PCDHA12: variants seen among roughly 807,000 people sequenced by gnomAD.
PCDHA12 encodes protocadherin alpha-12.
In PCDHA12, 44 loss-of-function variants were observed where a neutral mutation model predicts 60.0. That is an observed-to-expected ratio of 0.73 (90% CI 0.58 to 0.94). The LOEUF is 0.94. Ranked by LOEUF, PCDHA12 falls within the 40% of genes least tolerant of loss-of-function variation. The pLI, the probability that PCDHA12 is intolerant of heterozygous loss-of-function variation, is 0.00. For synonymous variants in PCDHA12, 569 were observed against 553.0 expected (o/e 1.03, Z -0.40); for missense variants, 1,276 against 1,239.7 (o/e 1.03, Z -0.44).
intron 3 of PCDHA12, among the ~76,000 whole-genome samples, chr5:141,008,882 A>G (rs2098393885): frequency 6.6e-6 from 1 of 152,170 alleles, no homozygotes; most frequent in Non-Finnish European, 1.5e-5. Flanking sequence ...ACCACCCTTC[A>G]ATGTTATTAC....
At chr5:140,956,622 C>T (rs1438482570) in intron 1 of PCDHA12, among the ~76,000 whole-genome samples, 2 of 152,008 alleles carry the variant, frequency 1.3e-5, no homozygotes, top group African/African-American at 4.8e-5. Context: ...CTTTTTGTTG[C>T]ATCTCTGCCA....
At chr5:140,928,400 C>T (rs1441591334) in intron 1 of PCDHA12, 15 of 1,614,038 alleles carry the variant, frequency 9.3e-6, no homozygotes, top group Non-Finnish European at 1.3e-5. Context: ...GTGGAATCAT[C>T]CAGTGGGGCC....
chr5:140,883,453 C>A lies in PCDHA12; in HGVS notation c.2367+5614C>A, dbSNP rs138388360. The stretch of plus-strand genomic sequence containing the variant: ...GCACCTTGACGCCGCATGTCCCCTT[C>A]AAGCTGGTGTCCACCTACAAGAACT... On this transcript the variant is annotated intron_variant, in intron 1 of 3. Transcript: ENST00000398631. 3.2e-5 allele frequency: 51 copies of A among 1,614,168 alleles called. No individual in the cohort carries two copies. In the East Asian group the frequency reaches 1.1e-3, roughly 35 times the overall value.
intron 1 of PCDHA12, among the ~76,000 whole-genome samples, chr5:140,947,805 G>T (rs1474604810): frequency 6.6e-6 from 1 of 151,504 alleles, no homozygotes; most frequent in Non-Finnish European, 1.5e-5. Flanking sequence ...TTAATTTGCA[G>T]AGACTATTTC....
chr5:140,942,608 T>G (rs1221656316), intron 1 of PCDHA12, among the ~76,000 whole-genome samples: 3 of 114,466 alleles, frequency 2.6e-5, no homozygotes, highest in Non-Finnish European at 5.4e-5. Context: ...AGTGTTTATA[T>G]TTGCCAATTG....
intron 1 of PCDHA12, among the ~76,000 whole-genome samples, chr5:140,888,562 G>T (rs781854673): frequency 6.6e-6 from 1 of 152,112 alleles, no homozygotes; most frequent in East Asian, 1.9e-4. Flanking sequence ...TCCTTTCAAG[G>T]CTTCATTTTA....
chr5:140,978,240 C>G (rs1290697340), intron 1 of PCDHA12, among the ~76,000 whole-genome samples: 1 of 152,174 alleles, frequency 6.6e-6, no homozygotes, highest in African/African-American at 2.4e-5. Flanking sequence ...TGGATTTCAG[C>G]TACTCCCTGT....
At chr5:140,974,894 A>C (rs1554236433) in intron 1 of PCDHA12, among the ~76,000 whole-genome samples, 2 of 152,184 alleles carry the variant, frequency 1.3e-5, no homozygotes, top group Admixed American at 6.5e-5. Context: ...TTTTCTGATG[A>C]TTTGTAACAA....
intron 1 of PCDHA12, among the ~76,000 whole-genome samples, chr5:140,939,871 T>G (rs2092481346): frequency 6.6e-6 from 1 of 152,230 alleles, no homozygotes; most frequent in Non-Finnish European, 1.5e-5. Context: ...TAGGTCATCT[T>G]TGCTAGTTGT....
At position 140,958,540 on chromosome 5, in the gene PCDHA12, A is replaced by G. The variant is rs920451567; in HGVS notation, c.2368-20409A>G. 4.6e-5 allele frequency among the ~76,000 whole-genome samples: 7 copies of G among 152,312 alleles called. 1 individual carries two copies. In the East Asian group the frequency reaches 1.3e-3, roughly 29 times the overall value. On this transcript the variant is annotated intron_variant, in intron 1 of 3. Coordinates refer to ENST00000398631, the MANE Select transcript of PCDHA12 (RefSeq NM_018903.4). ...ATATATACTATGTGTACATTGATTT[A>G]TGAACCAATAAATGTTTCATACACA... is the stretch of plus-strand genomic sequence containing the variant.
At chr5:140,967,138 G>A in intron 1 of PCDHA12, 1 of 1,611,568 alleles carries the variant, frequency 6.2e-7, no homozygotes, top group Middle Eastern at 1.7e-4. Flanking sequence ...TGGAAGTGCT[G>A]GCGCACAACC....
intron 1 of PCDHA12, among the ~76,000 whole-genome samples, chr5:140,924,902 AAAAT>A (rs1239542905): frequency 0.13 from 4,984 of 38,732 alleles, 244 homozygotes; most frequent in African/African-American, 0.34. Flanking sequence ...CTCAAAAAAA[AAAAT>A]AAAATAAAAT....
At position 140,875,924 on chromosome 5, in the gene PCDHA12, A is replaced by C. The variant is rs782181544; in HGVS notation, c.452A>C (p.His151Pro). Residue 151 changes from histidine to proline, a missense_variant, in exon 1 of 4, where the codon CAT becomes CCT. By Grantham distance (77) the His-to-Pro change is moderately conservative. Transcript: ENST00000398631. Reference sequence around the variant, plus strand: ...TCTGAATCTGCGCCTCTGGACTCTCATTTTCCTCTAGAGGGCGCTTCTGAT... The same window carrying C: ...TCTGAATCTGCGCCTCTGGACTCTCCTTTTCCTCTAGAGGGCGCTTCTGAT... ...PVSESAPLDS[H>P]FPLEGASDAD... The C allele has an allele frequency of 6.2e-7, 1 of 1,614,054 alleles. No homozygotes were observed. The highest frequency in any genetic ancestry group is 8.5e-7 in the Non-Finnish European group (1 of 1,180,008).
Position 141,009,900 on chromosome 5 carries a change from A to G in PCDHA12, c.2789A>G (p.Glu930Gly). The G allele has an allele frequency of 6.2e-7, 1 of 1,613,166 alleles. No individual in the cohort carries two copies. The highest frequency in any genetic ancestry group is 8.5e-7 in the Non-Finnish European group (1 of 1,179,840). Residue 930 changes from glutamate (E) to glycine (G), a missense_variant, in exon 4 of 4, where the codon GAG becomes GGG. Physicochemically the swap from Glu to Gly is moderately conservative, Grantham distance 98. Coordinates refer to ENST00000398631, the MANE Select transcript of PCDHA12 (RefSeq NM_018903.4). Reference sequence around the variant, plus strand: ...GGTAACAAGACCCAGGAGAAAAAAGAGAAAGGGAACAGCACGACTGACAAC... The same window carrying G: ...GGTAACAAGACCCAGGAGAAAAAAGGGAAAGGGAACAGCACGACTGACAAC... ...KKGNKTQEKK[E>G]KGNSTTDNSD...
intron 1 of PCDHA12, among the ~76,000 whole-genome samples, chr5:140,886,827 G>GAA (rs782016620): frequency 3.1e-4 from 19 of 60,896 alleles, no homozygotes; most frequent in South Asian, 5.9e-4. Context: ...ACTTCGTCTT[G>GAA]AAAAAAAAAA....
chr5:140,877,844 G>A lies in PCDHA12; in HGVS notation c.2367+5G>A, dbSNP rs945643108. The A allele has an allele frequency of 5.1e-6, 8 of 1,568,656 alleles. No homozygotes were observed. In the African/African-American group the frequency reaches 8.3e-5, roughly 16 times the overall value. ...TGTTTAAATCCTCCCAGTGAAGTAA[G>A]TTATTAATATTATTTAGATATATTT... On this transcript the variant is annotated splice_donor_5th_base_variant and intron_variant, in intron 1 of 3. Coordinates refer to ENST00000398631, the MANE Select transcript of PCDHA12 (RefSeq NM_018903.4).
chr5:140,886,552 G>A (rs188986859), intron 1 of PCDHA12, among the ~76,000 whole-genome samples: 132 of 151,712 alleles, frequency 8.7e-4, no homozygotes, highest in Middle Eastern at 3.4e-3. Flanking sequence ...TCCCAGCTGG[G>A]CACGGTGGCT....
intron 1 of PCDHA12, among the ~76,000 whole-genome samples, chr5:140,909,911 A>T (rs747486870): frequency 1.3e-5 from 2 of 152,144 alleles, no homozygotes; most frequent in Non-Finnish European, 2.9e-5. Flanking sequence ...AATGGCAATC[A>T]TTTCCCTTTC....
intron 1 of PCDHA12, among the ~76,000 whole-genome samples, chr5:140,959,893 T>A (rs782431808): frequency 6.6e-6 from 1 of 152,194 alleles, no homozygotes; most frequent in Non-Finnish European, 1.5e-5. Flanking sequence ...CGAGTGGGAT[T>A]TATATCAGAA....
Sources: allele counts gnomAD v4.1 joint callset (sites outside exome capture counted in the v4.1 genomes callset), GRCh38; gene constraint gnomAD v4.1.1; transcripts MANE v1.5; gene names NCBI Gene and HGNC (gene_info 2026-07-23, HGNC 2026-07-21).